SDK1: variants seen among roughly 807,000 people sequenced by gnomAD.
The protein encoded by SDK1 is sidekick cell adhesion molecule 1.
In SDK1, 157 loss-of-function variants were observed where a neutral mutation model predicts 245.5. The observed-to-expected ratio is 0.64, with a 90% CI of 0.56 to 0.73. SDK1 has a LOEUF of 0.73. Ranked by LOEUF, SDK1 falls within the 30% of genes least tolerant of loss-of-function variation. The pLI is 0.00. For missense variants in SDK1, 3,583 were observed against 3,002.3 expected, an observed-to-expected ratio of 1.19 and a Z score of -4.52; for synonymous variants, 1,647 against 1,278.5, an observed-to-expected ratio of 1.29 and a Z score of -6.15.
At chr7:3,453,006 A>C (rs1405152286) in intron 1 of SDK1, among the ~76,000 whole-genome samples, 1 of 152,120 alleles carries the variant, frequency 6.6e-6, no homozygotes, top group African/African-American at 2.4e-5. Flanking sequence ...TTTTAATGCC[A>C]CTGCCATCCC....
chr7:3,617,127 G>T (rs1405995944), intron 1 of SDK1, among the ~76,000 whole-genome samples: 1 of 152,128 alleles, frequency 6.6e-6, no homozygotes, highest in Admixed American at 6.5e-5. Flanking sequence ...TAGGGCTTTT[G>T]TGAGAAATAG....
intron 1 of SDK1, among the ~76,000 whole-genome samples, chr7:3,577,996 A>G (rs1306997454): frequency 6.6e-6 from 1 of 152,006 alleles, no homozygotes; most frequent in African/African-American, 2.4e-5. Flanking sequence ...TTTCCACTCA[A>G]CTTACAGTGA....
intron 1 of SDK1, among the ~76,000 whole-genome samples, chr7:3,426,580 A>G (rs1215001189): frequency 2.0e-5 from 3 of 152,232 alleles, no homozygotes; most frequent in African/African-American, 7.2e-5. Flanking sequence ...GCATCCAACA[A>G]GTGTCAGCAA....
In SDK1 at chr7:4,057,030, C is replaced by G. The variant is rs371247825; in HGVS notation, c.2911+5200C>G. The stretch of plus-strand genomic sequence containing the variant: ...GTGGTGGGGCTGCTGGGCATTTTCA[C>G]TCATCTTGAGGACAGACTTCGCTTC... On this transcript the variant is annotated intron_variant, in intron 19 of 44. Coordinates refer to ENST00000404826, the MANE Select transcript of SDK1 (RefSeq NM_152744.4). 2.0e-5 allele frequency among the ~76,000 whole-genome samples: 3 copies of G among 152,156 alleles called. No individual in the cohort carries two copies. The East Asian group carries it at 5.8e-4, about 29-fold the overall frequency.
intron 32 of SDK1, among the ~76,000 whole-genome samples, chr7:4,167,986 C>T (rs1274713055): frequency 2.0e-5 from 3 of 152,228 alleles, no homozygotes; most frequent in East Asian, 1.9e-4. Context: ...CGAGCACCTC[C>T]GGAGTTGGAG....
intron 13 of SDK1, among the ~76,000 whole-genome samples, chr7:3,975,962 G>C (rs563496680): frequency 0.016 from 1,985 of 124,814 alleles, 23 homozygotes; most frequent in African/African-American, 0.017. Context: ...GCCACGCAGA[G>C]GGTCCTCCAG....
chr7:4,162,150 G>A (rs553338071), intron 32 of SDK1, among the ~76,000 whole-genome samples: 2 of 152,272 alleles, frequency 1.3e-5, no homozygotes, highest in South Asian at 4.2e-4. Flanking sequence ...GAGAGCGTTG[G>A]AGGAACTGGG....
chr7:3,987,289 ATTC>A lies in SDK1; in HGVS notation c.2101_2103del (p.Leu701del). 3 of 1,614,096 alleles carry A rather than the reference ATTC, an allele frequency of 1.9e-6. No individual in the cohort carries two copies. Among genetic ancestry groups the A allele is most frequent in the Non-Finnish European group, 2.5e-6 (3 of 1,179,970 alleles). On this transcript the variant is annotated inframe_deletion, in exon 14 of 45. Coordinates refer to ENST00000404826, the MANE Select transcript of SDK1 (RefSeq NM_152744.4). ...CCGGCCCTTTGATGGAAACAGTCCT[ATTC>A]TTTATTACATCGTGGAGCTCTCTGA...
chr7:3,525,552 C>G (rs763845215), intron 1 of SDK1, among the ~76,000 whole-genome samples: 32 of 152,224 alleles, frequency 2.1e-4, no homozygotes, highest in Non-Finnish European at 4.3e-4. Context: ...TTGGTAGGTG[C>G]TGTGTGTACA....
chr7:4,019,479 C>T (rs1357449261), intron 17 of SDK1, among the ~76,000 whole-genome samples: 1 of 152,174 alleles, frequency 6.6e-6, no homozygotes, highest in Non-Finnish European at 1.5e-5. Context: ...GGGGTCCCGC[C>T]TCCATGTCCA....
At chr7:3,328,691 C>T (rs1426797199) in intron 1 of SDK1, among the ~76,000 whole-genome samples, 1 of 151,902 alleles carries the variant, frequency 6.6e-6, no homozygotes, top group East Asian at 1.9e-4. Flanking sequence ...TAGGATGATG[C>T]GCTCTCCATT....
chr7:3,999,929 G>A (rs1473053857), intron 14 of SDK1, among the ~76,000 whole-genome samples: 1 of 152,118 alleles, frequency 6.6e-6, no homozygotes, highest in Non-Finnish European at 1.5e-5. Context: ...TGCCAGACCC[G>A]AGTCTTGTAC....
chr7:3,629,645 C>G (rs1429070274), intron 2 of SDK1, among the ~76,000 whole-genome samples: 2 of 152,178 alleles, frequency 1.3e-5, no homozygotes, highest in African/African-American at 4.8e-5. Context: ...TCTTGAAAAG[C>G]AAGATCCAAA....
At chr7:4,126,661 A>G (rs1009968234) in intron 25 of SDK1, among the ~76,000 whole-genome samples, 1 of 152,250 alleles carries the variant, frequency 6.6e-6, no homozygotes, top group African/African-American at 2.4e-5. Context: ...GCGAAGTTGC[A>G]GTGAGCCAAG....
At chr7:3,445,955 C>G (rs961599776) in intron 1 of SDK1, among the ~76,000 whole-genome samples, 6 of 151,866 alleles carry the variant, frequency 4.0e-5, no homozygotes, top group South Asian at 2.1e-4. Context: ...GACAAATTCT[C>G]TTTATTATTT....
rs1247169483 is a variant in SDK1 at position 3,904,998 on chromosome 7, A to AT, written c.848-45925_848-45924insT. Among the ~76,000 whole-genome samples, 341 of 131,426 alleles carry AT rather than the reference A, an allele frequency of 2.6e-3. 4 individuals carry two copies. The highest frequency in any genetic ancestry group is 0.012 in the African/African-American group (320 of 27,458). 86.2% of individuals were successfully genotyped at this position (131,426 alleles called of 152,430 possible). A position where few individuals can be genotyped will look rare whatever the true frequency, so the allele number is the denominator to read the frequency against. ...ACAGAGCGAGACTCCGTCTCAAAAA[A>AT]AAAAAAAAAAATAATAATAATAAAA... On this transcript the variant is annotated intron_variant, in intron 5 of 44. Transcript: ENST00000404826.
intron 1 of SDK1, among the ~76,000 whole-genome samples, chr7:3,471,909 A>G (rs1169800402): frequency 6.6e-6 from 1 of 152,204 alleles, no homozygotes. Context: ...ATTTTGAGGA[A>G]AGGTTTATTT....
At chr7:3,559,204 G>A (rs1289762885) in intron 1 of SDK1, among the ~76,000 whole-genome samples, 1 of 152,122 alleles carries the variant, frequency 6.6e-6, no homozygotes, top group African/African-American at 2.4e-5. Context: ...ATTCCAAACA[G>A]AATAATGACT....
intron 2 of SDK1, among the ~76,000 whole-genome samples, chr7:3,635,492 C>G (rs138260742): frequency 6.6e-6 from 1 of 152,104 alleles, no homozygotes; most frequent in Non-Finnish European, 1.5e-5. Context: ...ATAAGTGATT[C>G]AAGATATGCT....
Sources: gnomAD v4.1 joint callset for allele counts (sites outside exome capture counted in the v4.1 genomes callset) on GRCh38, gnomAD v4.1.1 for gene constraint, MANE v1.5 for transcripts, NCBI Gene and HGNC (gene_info 2026-07-23, HGNC 2026-07-21) for gene names.